Variants in RBFOX1 observed in about 807,000 individuals in gnomAD.
The protein encoded by RBFOX1 is RNA binding fox-1 homolog 1.
RBFOX1 carries 8 observed loss-of-function variants against 57.7 expected under a neutral mutation model. The ratio of observed to expected loss-of-function variants is 0.14; its 90% CI spans 0.08 to 0.25. The LOEUF (loss-of-function observed/expected upper bound fraction) is 0.25. Ranked by LOEUF, RBFOX1 falls within the 10% of genes least tolerant of loss-of-function variation. The probability of loss-of-function intolerance (pLI) is 1.00; values close to 1 mark genes in which losing one functional copy is unlikely to be tolerated. For synonymous variants in RBFOX1, 326 were observed against 222.4 expected (o/e 1.47, Z -4.15); for missense variants, 611 against 548.5 (o/e 1.11, Z -1.14).
At chr16:6,387,395 T>A (rs1487255050) in intron 2 of RBFOX1, among the ~76,000 whole-genome samples, 1 of 151,456 alleles carries the variant, frequency 6.6e-6, no homozygotes, top group East Asian at 2.0e-4. Context: ...GACTTCTATT[T>A]ACACTCCTCG....
chr16:7,448,726 G>T (rs1457530545), intron 4 of RBFOX1, among the ~76,000 whole-genome samples: 2 of 152,108 alleles, frequency 1.3e-5, no homozygotes, highest in African/African-American at 4.8e-5. Flanking sequence ...GCTTGTGGCT[G>T]CATTACTCCA....
At chr16:5,454,236 C>T (rs751000110) in intron 1 of RBFOX1, among the ~76,000 whole-genome samples, 1 of 152,230 alleles carries the variant, frequency 6.6e-6, no homozygotes, top group Non-Finnish European at 1.5e-5. Flanking sequence ...CTTCACACTT[C>T]CCTCTGGAGG....
chr16:6,798,497 G>T (rs1420220641), intron 3 of RBFOX1, among the ~76,000 whole-genome samples: 1 of 152,068 alleles, frequency 6.6e-6, no homozygotes, highest in Non-Finnish European at 1.5e-5. Context: ...GCCTAATTCT[G>T]AACCAGACCC....
intron 3 of RBFOX1, among the ~76,000 whole-genome samples, chr16:6,922,174 C>G (rs1361336419): frequency 6.6e-6 from 1 of 152,084 alleles, no homozygotes; most frequent in Non-Finnish European, 1.5e-5. Context: ...GAAATGGATC[C>G]TGGGGGGTAG....
intron 4 of RBFOX1, among the ~76,000 whole-genome samples, chr16:7,288,123 T>A (rs2095686812): frequency 6.6e-6 from 1 of 152,168 alleles, no homozygotes; most frequent in Admixed American, 6.5e-5. Flanking sequence ...GGTTTCCATA[T>A]AACAGGGAAA....
chr16:6,561,214 C>T (rs2097175033), intron 2 of RBFOX1, among the ~76,000 whole-genome samples: 1 of 152,120 alleles, frequency 6.6e-6, no homozygotes, highest in South Asian at 2.1e-4. Flanking sequence ...GGAAAGGTTC[C>T]CTGCTGTCTA....
rs200900320 is a variant in RBFOX1, at chr16:7,071,108, C to CTA, written c.27+19010_27+19011insTA. 8.8e-3 allele frequency among the ~76,000 whole-genome samples: 1,337 copies of CTA among 152,306 alleles called. 15 individuals are homozygous for CTA. The highest frequency in any genetic ancestry group is 0.017 in the Middle Eastern group (5 of 294). ...GAAAGGAGGGTCCCATCTGGCTTAACACATTACAATTTCTTCACAAGTGGA... is the reference window on the plus strand; with the variant it reads ...GAAAGGAGGGTCCCATCTGGCTTAACTAACATTACAATTTCTTCACAAGTGGA... On this transcript the variant is annotated intron_variant, in intron 4 of 15. Coordinates refer to ENST00000550418, the MANE Select transcript of RBFOX1 (RefSeq NM_018723.4).
intron 2 of RBFOX1, among the ~76,000 whole-genome samples, chr16:6,365,733 T>C (rs545485668): frequency 1.3e-5 from 2 of 152,212 alleles, no homozygotes; most frequent in Non-Finnish European, 2.9e-5. Context: ...CTGAGCACCA[T>C]GTGCTTTTTA....
chr16:6,560,200 G>A (rs1032662504), intron 2 of RBFOX1, among the ~76,000 whole-genome samples: 3 of 133,494 alleles, frequency 2.2e-5, no homozygotes, highest in Admixed American at 7.7e-5. Context: ...AAAAAGTCAA[G>A]CCCTCATGAA....
intron 3 of RBFOX1, among the ~76,000 whole-genome samples, chr16:7,025,928 G>T (rs1352489324): frequency 6.6e-6 from 1 of 152,170 alleles, no homozygotes; most frequent in African/African-American, 2.4e-5. Context: ...CCTCTCGGGA[G>T]CTCCCACCTG....
intron 1 of RBFOX1, among the ~76,000 whole-genome samples, chr16:5,371,838 T>G (rs2065864624): frequency 6.6e-6 from 1 of 152,198 alleles, no homozygotes; most frequent in Non-Finnish European, 1.5e-5. Context: ...AGAAATAAAC[T>G]TCTCCTGTGT....
At chr16:6,471,193 C>T (rs1597715363) in intron 2 of RBFOX1, among the ~76,000 whole-genome samples, 1 of 152,126 alleles carries the variant, frequency 6.6e-6, no homozygotes. Context: ...AAGCTGTTTC[C>T]TATGGTTTGA....
chr16:5,980,482 C>G (rs2060150400), intron 4 of RBFOX1, among the ~76,000 whole-genome samples: 1 of 152,116 alleles, frequency 6.6e-6, no homozygotes, highest in African/African-American at 2.4e-5. Context: ...AGACAGCAGA[C>G]CTGAGAGCTG....
intron 3 of RBFOX1, among the ~76,000 whole-genome samples, chr16:5,649,724 CTT>C (rs2151357670): frequency 6.6e-6 from 1 of 152,298 alleles, no homozygotes; most frequent in East Asian, 1.9e-4. Flanking sequence ...TTACATTTCT[CTT>C]TTCAACAAAC....
chr16:6,939,506 C>CTTTTCTTTTTTTTT (rs1555651253), intron 3 of RBFOX1, among the ~76,000 whole-genome samples: 6 of 112,868 alleles, frequency 5.3e-5, no homozygotes, highest in Non-Finnish European at 7.7e-5. Context: ...ATTTTTCTTT[C>CTTTTCTTTTTTTTT]TTTTTTTTTT....
At chr16:6,389,349 A>T (rs2092474521) in intron 2 of RBFOX1, among the ~76,000 whole-genome samples, 1 of 152,176 alleles carries the variant, frequency 6.6e-6, no homozygotes, top group Non-Finnish European at 1.5e-5. Context: ...TAGCTTACAT[A>T]TCCTTCATTT....
chr16:6,246,905 C>G (rs2097572316), intron 1 of RBFOX1, among the ~76,000 whole-genome samples: 1 of 152,092 alleles, frequency 6.6e-6, no homozygotes, highest in Non-Finnish European at 1.5e-5. Context: ...CCTGTCTCTA[C>G]TAAAAATGCC....
intron 3 of RBFOX1, among the ~76,000 whole-genome samples, chr16:5,819,753 G>A (rs2055777966): frequency 6.6e-6 from 1 of 152,166 alleles, no homozygotes; most frequent in South Asian, 2.1e-4. Flanking sequence ...TTTAAGACAT[G>A]GCTTTAGTTT....
intron 3 of RBFOX1, among the ~76,000 whole-genome samples, chr16:7,030,286 A>G (rs1026851868): frequency 1.6e-4 from 25 of 152,164 alleles, no homozygotes; most frequent in Admixed American, 1.6e-3. Context: ...CAGGACTTTC[A>G]TACCCATTTT....
Sources: gnomAD v4.1 joint callset for allele counts (sites outside exome capture counted in the v4.1 genomes callset) on GRCh38, gnomAD v4.1.1 for gene constraint, MANE v1.5 for transcripts, NCBI Gene and HGNC (gene_info 2026-07-23, HGNC 2026-07-21) for gene names.